The following GEMIN5 variants were observed in gnomAD, a reference collection of about 807,000 sequenced individuals.
GEMIN5 encodes gem-associated protein 5.
Under a neutral mutation model 176.9 loss-of-function variants are expected in GEMIN5, and 124 were observed. The observed-to-expected ratio is 0.70, with a 90% CI of 0.61 to 0.81. The LOEUF is 0.81. Among genes scored for constraint, GEMIN5 ranks in the 40% least tolerant of loss-of-function variants. The pLI is 0.00. For synonymous variants in GEMIN5, 673 were observed against 665.2 expected, an observed-to-expected ratio of 1.01 and a Z score of -0.18; for missense variants, 1,843 against 1,814.6, an observed-to-expected ratio of 1.02 and a Z score of -0.28.
chr5:154,898,724 T>C, intron 22 of GEMIN5, 74 bp from the exon 23 acceptor site: 1 of 1,209,920 alleles, frequency 8.3e-7, no homozygotes, highest in Non-Finnish European at 1.2e-6. Flanking sequence ...GATGGAATCA[T>C]TTCTTTCTAT....
Position 154,898,465 on chromosome 5 carries a change from GC to G in GEMIN5, c.3319del (p.Ala1107ProfsTer54), listed in dbSNP as rs774751494. 29 of 1,613,870 alleles carry G rather than the reference GC, an allele frequency of 1.8e-5. No homozygotes were observed. The highest frequency in any genetic ancestry group is 1.7e-5 in the Non-Finnish European group (20 of 1,179,896). On this transcript the variant is annotated frameshift_variant, in exon 23 of 28. Transcript: ENST00000285873. LOFTEE classifies it high-confidence loss of function. ...CTGTAGACTTTCATGCAGCTGCAGG[GC>G]TTCCTGGGCTCCCACCCAGTTGTTG... The part of the protein sequence containing the change: ...LANNWVGAQE[A>X]LQLHESLQGQ...
Position 154,931,438 on chromosome 5 carries a change from A to T in GEMIN5, c.781+20T>A, listed in dbSNP as rs752112801. On this transcript the variant is annotated intron_variant, in intron 5 of 27. Coordinates refer to ENST00000285873, the MANE Select transcript of GEMIN5 (RefSeq NM_015465.5). ...ACCAGATCAACATAGGTTACATCAC[A>T]AAAGAAAGATCAATCTTACCTCGGC... The T allele has an allele frequency of 6.3e-7, 1 of 1,595,246 alleles. No homozygotes were observed.
chr5:154,897,960 C>A (rs1477716273), intron 23 of GEMIN5, among the ~76,000 whole-genome samples: 2 of 136,950 alleles, frequency 1.5e-5, no homozygotes, highest in Non-Finnish European at 3.0e-5. Flanking sequence ...GTTGCCCAGG[C>A]TGGATCTTGG....
intron 21 of GEMIN5, among the ~76,000 whole-genome samples, chr5:154,899,695 A>C (rs1763427276): frequency 6.6e-6 from 1 of 152,210 alleles, no homozygotes; most frequent in Admixed American, 6.5e-5. Context: ...TCTAAGAAGG[A>C]AGGCGGTGGC....
At chr5:154,890,885 C>T (rs1234642186) in intron 26 of GEMIN5, among the ~76,000 whole-genome samples, 1 of 152,070 alleles carries the variant, frequency 6.6e-6, no homozygotes, top group Non-Finnish European at 1.5e-5. Context: ...GGCCTCAGCC[C>T]CCCAAGTAGC....
chr5:154,931,316 A>G lies in GEMIN5; in HGVS notation c.781+142T>C, dbSNP rs145276337. 604 of 737,014 alleles carry G rather than the reference A, an allele frequency of 8.2e-4. 4 individuals are homozygous for G. The African/African-American group carries it at 9.9e-3, about 12-fold the overall frequency. 45.7% of individuals were successfully genotyped at this position (737,014 alleles called of 1,614,324 possible). A position where few individuals can be genotyped will look rare whatever the true frequency, so the allele number is the denominator to read the frequency against. On this transcript the variant is annotated intron_variant, in intron 5 of 27. Transcript: ENST00000285873. ...AGAATAGAGAGTCTAGGCCAGGCTC[A>G]AATGAGGAAGCAGAATTCTAGACCA...
At position 154,937,146 on chromosome 5, in the gene GEMIN5, C is replaced by A. The variant is rs1764286120; in HGVS notation, c.206G>T (p.Gly69Val). ...ELVGHTERVSGFTFSHHPGQY... is the reference protein window; with the variant it reads ...ELVGHTERVSVFTFSHHPGQY... ...ACCAGGGTGATGAGAAAATGTGAAG[C>A]CAGAGACCCTTTCGGTGTGTCCCAC... Residue 69 changes from glycine (G) to valine (V), a missense_variant, in exon 2 of 28, where the codon GGC becomes GTC. Gly to Val is a moderately radical substitution (Grantham distance 109). Transcript: ENST00000285873. The A allele has an allele frequency of 6.2e-7, 1 of 1,613,438 alleles. No homozygotes were observed.
At chr5:154,925,742 T>A (rs1245485775) in intron 8 of GEMIN5, 120 bp downstream of exon 8, 234 of 625,100 alleles carry the variant, frequency 3.7e-4, no homozygotes, top group Non-Finnish European at 1.1e-4. Flanking sequence ...AGTTTCAAAC[T>A]TCATTGAAAA....
chr5:154,906,297 A>T (rs964783868), intron 16 of GEMIN5, among the ~76,000 whole-genome samples: 8 of 152,166 alleles, frequency 5.3e-5, no homozygotes, highest in Non-Finnish European at 1.2e-4. Flanking sequence ...TGCCCGCCTT[A>T]CTTTGAACTT....
intron 12 of GEMIN5, 23 bp downstream of exon 12, chr5:154,917,908 A>T: frequency 2.0e-6 from 3 of 1,530,336 alleles, no homozygotes; most frequent in Non-Finnish European, 2.7e-6. Context: ...CAAATTTTTT[A>T]TCTTAAAGAA....
In GEMIN5 at chr5:154,917,039, T is replaced by C. The variant is rs1402136388; in HGVS notation, c.1814A>G (p.Asn605Ser). ...GTTGTGCACGTAAATGACTGCATTG[T>C]TGGAGCCAGAGGCCATCAGATAGCT... ...ELSYLMASGS[N>S]NAVIYVHNLK... Residue 605 changes from asparagine to serine, a missense_variant, in exon 13 of 28, where the codon AAC (asparagine) becomes AGC (serine). Transcript: ENST00000285873. The C allele has an allele frequency of 6.2e-6, 10 of 1,604,416 alleles. No individual in the cohort carries two copies. Among genetic ancestry groups the C allele is most frequent in the African/African-American group, 5.4e-5 (4 of 74,750 alleles).
At position 154,928,600 on chromosome 5, in the gene GEMIN5, C is replaced by T; in HGVS notation, c.841G>A (p.Val281Ile). 1.9e-6 allele frequency: 3 copies of T among 1,613,750 alleles called. No individual in the cohort carries two copies. In the South Asian group the frequency reaches 3.3e-5, roughly 18 times the overall value. ...KRRGGGIDPT[V>I]KERLWLTLHW... ...AGTGTCAACCAAAGGCGCTCTTTAA[C>T]AGTTGGGTCTATACCCCCTCCTCTT... Residue 281 changes from valine (V) to isoleucine (I), a missense_variant, in exon 6 of 28, where the codon GTT (valine) becomes ATT (isoleucine). Val to Ile is a conservative substitution (Grantham distance 29, BLOSUM62 3). Coordinates refer to ENST00000285873, the MANE Select transcript of GEMIN5 (RefSeq NM_015465.5).
chr5:154,899,172 C>T lies in GEMIN5; in HGVS notation c.3134+19G>A. 6.3e-7 allele frequency: 1 copy of T among 1,598,564 alleles called. No homozygotes were observed. On this transcript the variant is annotated intron_variant, in intron 22 of 27. Transcript: ENST00000285873. ...AAGCTCTCCTATGTTGGAAGCATCC[C>T]TCCACTCCTCAGGCTTACCATTTGG...
chr5:154,907,145 C>T (rs549347210), intron 16 of GEMIN5, among the ~76,000 whole-genome samples: 5 of 152,146 alleles, frequency 3.3e-5, no homozygotes, highest in Admixed American at 6.5e-5. Flanking sequence ...GACAGAAAGC[C>T]GCGTACAAAC....
chr5:154,919,111 T>G (rs1408804682), intron 11 of GEMIN5, among the ~76,000 whole-genome samples: 1 of 151,428 alleles, frequency 6.6e-6, no homozygotes, highest in Admixed American at 6.6e-5. Context: ...GGTGGATCAC[T>G]TGAGCTCAGA....
intron 25 of GEMIN5, 82 bp downstream of exon 25, chr5:154,892,305 T>C: frequency 9.0e-7 from 1 of 1,110,388 alleles, no homozygotes; most frequent in Non-Finnish European, 1.3e-6. Context: ...TTTAAGAATC[T>C]AGGTACTCCC....
chr5:154,893,231 T>C (rs1230919607), intron 24 of GEMIN5, among the ~76,000 whole-genome samples: 1 of 124,890 alleles, frequency 8.0e-6, no homozygotes, highest in African/African-American at 3.1e-5. Context: ...GGCGGGCGGA[T>C]CACCCGAGGT....
intron 23 of GEMIN5, among the ~76,000 whole-genome samples, chr5:154,897,744 A>G (rs1763378700): frequency 6.6e-6 from 1 of 151,620 alleles, no homozygotes; most frequent in South Asian, 2.1e-4. Context: ...CATCTGGCCC[A>G]GTTTTTTTTC....
chr5:154,899,920 CTTCT>C (rs1340466821), intron 21 of GEMIN5, among the ~76,000 whole-genome samples: 1 of 150,764 alleles, frequency 6.6e-6, no homozygotes, highest in Non-Finnish European at 1.5e-5. Flanking sequence ...TTCATAGAAC[CTTCT>C]TTCTTCTAAA....
Sources: allele counts gnomAD v4.1 joint callset (sites outside exome capture counted in the v4.1 genomes callset), GRCh38; gene constraint gnomAD v4.1.1; transcripts MANE v1.5; gene names NCBI Gene and HGNC (gene_info 2026-07-23, HGNC 2026-07-21).